SIM1: variants seen among roughly 807,000 people sequenced by gnomAD.
The protein encoded by SIM1 is SIM bHLH transcription factor 1.
In SIM1, 18 loss-of-function variants were observed where a neutral mutation model predicts 78.2. The ratio of observed to expected loss-of-function variants is 0.23; its 90% CI spans 0.16 to 0.34. The LOEUF is 0.34. Among genes scored for constraint, SIM1 ranks in the 10% least tolerant of loss-of-function variants. The pLI, the probability that SIM1 is intolerant of heterozygous loss-of-function variation, is 1.00. For synonymous variants in SIM1, 417 were observed against 385.2 expected (o/e 1.08, Z -0.97); for missense variants, 939 against 975.1 (o/e 0.96, Z 0.49).
chr6:100,415,624 G>T (rs1361926913), intron 10 of SIM1, among the ~76,000 whole-genome samples: 1 of 152,118 alleles, frequency 6.6e-6, no homozygotes, highest in Non-Finnish European at 1.5e-5. Context: ...ATTCCTAAGG[G>T]TATCTCATAG....
chr6:100,427,213 CAAG>C (rs1008800860), intron 9 of SIM1: 7 of 152,310 alleles, frequency 4.6e-5, no homozygotes, highest in African/African-American at 1.7e-4. Flanking sequence ...AGAGAGCTGA[CAAG>C]GAGGAATACT....
At chr6:100,457,967 G>A (rs1772716227) in intron 2 of SIM1, among the ~76,000 whole-genome samples, 1 of 151,512 alleles carries the variant, frequency 6.6e-6, no homozygotes, top group Non-Finnish European at 1.5e-5. Context: ...GTAAATGTGG[G>A]GTGGAGGCCG....
At position 100,412,734 on chromosome 6, in the gene SIM1, AG is replaced by A. The variant is rs1416681956; in HGVS notation, c.1167+8055del. ...AAGAAAGAAAGAAAGAAAGAAAGAAAGAAAGAAAGAAAGAAAGAAAAAAGAA... is the reference window on the plus strand; with the variant it reads ...AAGAAAGAAAGAAAGAAAGAAAGAAAAAAGAAAGAAAGAAAGAAAAAAGAA... On this transcript the variant is annotated intron_variant, in intron 10 of 11. Transcript: ENST00000369208. Among the ~76,000 whole-genome samples the A allele has an allele frequency of 3.1e-3, 450 of 145,770 alleles. 8 individuals are homozygous for A. Among genetic ancestry groups the A allele is most frequent in the Admixed American group, 8.3e-3 (118 of 14,284 alleles).
At chr6:100,409,510 T>C (rs1771139440) in intron 10 of SIM1, among the ~76,000 whole-genome samples, 1 of 152,120 alleles carries the variant, frequency 6.6e-6, no homozygotes, top group Non-Finnish European at 1.5e-5. Flanking sequence ...GTTTATCTTT[T>C]CTATTGTTTT....
rs1450063558 is a variant in SIM1 at position 100,420,846 on chromosome 6, C to T, written c.1111G>A (p.Ala371Thr). 1 of 1,614,006 alleles carries T rather than the reference C, an allele frequency of 6.2e-7. No homozygotes were observed. Residue 371 changes from alanine (A) to threonine (T), a missense_variant, in exon 10 of 12, where the codon GCC becomes ACC. Physicochemically the swap from Ala to Thr is moderately conservative, Grantham distance 58. Transcript: ENST00000369208. ...TTTGAGCTGGAGAGCCGGGATTTGG[C>T]CCCCTTTCTGTTGTCAGTCATGGTG... The part of the protein sequence containing the change: ...TPTMTDNRKG[A>T]KSRLSSSKSK...
chr6:100,455,374 C>A (rs188153476), intron 2 of SIM1, among the ~76,000 whole-genome samples: 48 of 152,312 alleles, frequency 3.2e-4, no homozygotes, highest in African/African-American at 1.1e-3. Context: ...CTGCCCTGGT[C>A]CCTGGGGTCC....
chr6:100,440,563 G>A (rs534199173), intron 9 of SIM1, among the ~76,000 whole-genome samples: 6 of 152,322 alleles, frequency 3.9e-5, no homozygotes, highest in Non-Finnish European at 5.9e-5. Context: ...ATGCCAAGGC[G>A]AGGAGAAAGG....
At chr6:100,458,018 CTCTCTCTCTCTCTCTCTCTCTCTCT>C (rs1772724629) in intron 2 of SIM1, among the ~76,000 whole-genome samples, 6 of 87,634 alleles carry the variant, frequency 6.8e-5, no homozygotes, top group East Asian at 4.5e-4. Flanking sequence ...CTCTCTCTCT[CTCTCTCTCTCTCTCTCTCTCTCTCT>C]CTCTCTCTCT....
At chr6:100,398,764 A>G (rs1461438134) in intron 10 of SIM1, among the ~76,000 whole-genome samples, 1 of 152,068 alleles carries the variant, frequency 6.6e-6, no homozygotes, top group Non-Finnish European at 1.5e-5. Flanking sequence ...TCTGTTTTTA[A>G]TCCTTTAGGG....
intron 10 of SIM1, among the ~76,000 whole-genome samples, chr6:100,397,692 A>T (rs1770801625): frequency 6.6e-6 from 1 of 152,150 alleles, no homozygotes; most frequent in African/African-American, 2.4e-5. Flanking sequence ...GATCAAAATT[A>T]AAAACTTTTG....
chr6:100,409,469 T>C (rs1235356185), intron 10 of SIM1, among the ~76,000 whole-genome samples: 1 of 152,028 alleles, frequency 6.6e-6, no homozygotes, highest in Non-Finnish European at 1.5e-5. Context: ...TCAATTATGT[T>C]GATCTTCTCA....
chr6:100,401,887 A>G (rs1379252771), intron 10 of SIM1, among the ~76,000 whole-genome samples: 1 of 152,200 alleles, frequency 6.6e-6, no homozygotes, highest in Non-Finnish European at 1.5e-5. Context: ...CTGACTGTTA[A>G]TATTTTGCAT....
intron 10 of SIM1, among the ~76,000 whole-genome samples, chr6:100,399,948 G>C (rs1770864949): frequency 6.6e-6 from 1 of 151,812 alleles, no homozygotes; most frequent in Non-Finnish European, 1.5e-5. Flanking sequence ...AAGAAACCAA[G>C]AGTTTGGATT....
In SIM1 at chr6:100,390,124, T is replaced by C; in HGVS notation, c.*237A>G. Reference sequence around the variant, plus strand: ...ATTTTTCAAGTCAAAATTTATCTATTCTGGTTCCCATATAATTAGAGGGGA... The same window carrying C: ...ATTTTTCAAGTCAAAATTTATCTATCCTGGTTCCCATATAATTAGAGGGGA... On this transcript the variant is annotated 3_prime_UTR_variant, in exon 12 of 12. Coordinates refer to ENST00000369208, the MANE Select transcript of SIM1 (RefSeq NM_005068.3). 1 of 542,328 alleles carries C rather than the reference T, an allele frequency of 1.8e-6. No individual in the cohort carries two copies. Among genetic ancestry groups the C allele is most frequent in the Non-Finnish European group, 3.2e-6 (1 of 308,936 alleles). 33.6% of individuals were successfully genotyped at this position (542,328 alleles called of 1,614,324 possible).
intron 10 of SIM1, among the ~76,000 whole-genome samples, chr6:100,398,756 T>C (rs1166043870): frequency 2.0e-5 from 3 of 152,166 alleles, no homozygotes; most frequent in South Asian, 2.1e-4. Context: ...TTTGAGACTC[T>C]GTTTTTAATC....
rs1408865859 is a variant in SIM1 at position 100,387,724 on chromosome 6, T to A, written c.*2637A>T. ...TATTCTCTTAAAAATATTGGTCATG[T>A]CATTTTAAAGAGCATTATTCCTTCT... On this transcript the variant is annotated 3_prime_UTR_variant, in exon 12 of 12. Coordinates refer to ENST00000369208, the MANE Select transcript of SIM1 (RefSeq NM_005068.3). The A allele has an allele frequency of 6.6e-6, 1 of 152,136 alleles. No individual in the cohort carries two copies. Among genetic ancestry groups the A allele is most frequent in the African/African-American group, 2.4e-5 (1 of 41,458 alleles). 9.4% of individuals were successfully genotyped at this position (152,136 alleles called of 1,614,324 possible). A position where few individuals can be genotyped will look rare whatever the true frequency, so the allele number is the denominator to read the frequency against.
At chr6:100,406,616 A>T (rs778590597) in intron 10 of SIM1, among the ~76,000 whole-genome samples, 1 of 152,226 alleles carries the variant, frequency 6.6e-6, no homozygotes, top group Non-Finnish European at 1.5e-5. Context: ...AGTCAAGTAC[A>T]GTAAAAATGA....
intron 3 of SIM1, among the ~76,000 whole-genome samples, chr6:100,450,707 C>CACACACACAT (rs1772494414): frequency 2.1e-5 from 3 of 142,446 alleles, no homozygotes; most frequent in Admixed American, 6.7e-5. Flanking sequence ...CACACACACA[C>CACACACACAT]ACACACACAC....
chr6:100,462,140 T>C (rs1274121531), intron 2 of SIM1, among the ~76,000 whole-genome samples: 1 of 152,196 alleles, frequency 6.6e-6, no homozygotes, highest in Non-Finnish European at 1.5e-5. Context: ...GACTGTTTCC[T>C]GCTCATCCAT....
Sources: allele counts gnomAD v4.1 joint callset (sites outside exome capture counted in the v4.1 genomes callset), GRCh38; gene constraint gnomAD v4.1.1; transcripts MANE v1.5; gene names NCBI Gene and HGNC (gene_info 2026-07-23, HGNC 2026-07-21).